The following PRR5L variants were observed in gnomAD, a reference collection of about 807,000 sequenced individuals.
PRR5L encodes the protein proline rich 5 like.
Under a neutral mutation model 36.4 loss-of-function variants are expected in PRR5L, and 21 were observed. The ratio of observed to expected loss-of-function variants is 0.58; its 90% CI spans 0.41 to 0.83. PRR5L has a LOEUF of 0.83. Ranked by LOEUF, PRR5L falls within the 40% of genes least tolerant of loss-of-function variation. PRR5L has a pLI of 0.00. For synonymous variants in PRR5L, 188 were observed against 197.0 expected, an observed-to-expected ratio of 0.95 and a Z score of 0.38; for missense variants, 381 against 473.3, an observed-to-expected ratio of 0.80 and a Z score of 1.81.
In PRR5L at chr11:36,451,307, T is replaced by C. The variant is rs1001614561; in HGVS notation, c.684T>C (p.Arg228=). 2 of 1,614,072 alleles carry C rather than the reference T, an allele frequency of 1.2e-6. No individual in the cohort carries two copies. Among genetic ancestry groups the C allele is most frequent in the Admixed American group, 1.7e-5 (1 of 60,000 alleles). The stretch of plus-strand genomic sequence containing the variant: ...CTTTCCTCGGCATCAGCGGGGACCG[T>C]AGCTTCTCAGGCCCCACGTACACGC... ...VSPFLGISGD[R]SFSGPTYTLA... is the part of the protein sequence containing the mutation. The change falls in exon 8 of 9, where the codon CGT becomes CGC. Residue 228 remains arginine (R), a synonymous_variant. Coordinates refer to ENST00000530639, the MANE Select transcript of PRR5L (RefSeq NM_001160167.2).
rs1447371107 is a variant in PRR5L at position 36,321,621 on chromosome 11, TG to T, written c.-126+25185del. The T allele has an allele frequency of 5.3e-5, 8 of 152,380 alleles. No individual in the cohort carries two copies. The East Asian group carries it at 1.5e-3, about 29-fold the overall frequency. The allele number at this position is 152,380 out of a possible 1,614,324, so 9.4% of individuals were successfully genotyped here. ...AGCATGCCCTGAAAGAAACAAAGAT[TG>T]GCAAAGGTTAGGCATCAGCGTGGGT... On this transcript the variant is annotated intron_variant, in intron 1 of 8. Transcript: ENST00000530639.
At chr11:36,310,995 C>CAA (rs59947428) in intron 1 of PRR5L, among the ~76,000 whole-genome samples, 15,471 of 87,570 alleles carry the variant, frequency 0.18, 1,627 homozygotes, top group East Asian at 0.29. Flanking sequence ...ACTCCGTCTC[C>CAA]AAAAAAAAAA....
intron 1 of PRR5L, among the ~76,000 whole-genome samples, chr11:36,337,274 A>T (rs1260090762): frequency 6.6e-6 from 1 of 152,168 alleles, no homozygotes; most frequent in African/African-American, 2.4e-5. Flanking sequence ...GAATGGGATT[A>T]GTGCTCCTAC....
intron 1 of PRR5L, among the ~76,000 whole-genome samples, chr11:36,357,675 A>G (rs537691958): frequency 6.6e-6 from 1 of 152,316 alleles, no homozygotes; most frequent in East Asian, 1.9e-4. Context: ...GTTTTACAGA[A>G]CATTTTAAGC....
chr11:36,388,693 TCTTTC>T (rs1241815055), intron 1 of PRR5L, among the ~76,000 whole-genome samples: 20 of 110,058 alleles, frequency 1.8e-4, no homozygotes, highest in African/African-American at 4.8e-4. Flanking sequence ...GTCGGCTCTT[TCTTTC>T]TTTTTTTTTT....
chr11:36,371,965 G>A (rs1389006021), intron 1 of PRR5L, among the ~76,000 whole-genome samples: 1 of 152,150 alleles, frequency 6.6e-6, no homozygotes, highest in Non-Finnish European at 1.5e-5. Flanking sequence ...GGCTGAGGCA[G>A]GACAGTCACT....
Position 36,399,820 on chromosome 11 carries a change from G to T in PRR5L, c.-125-1177G>T, listed in dbSNP as rs75101700. ...AAGAGACTGAAATTACAGGTCCAAA[G>T]GTGTAAAGGAAAGAAAGAAATTCAT... On this transcript the variant is annotated intron_variant, in intron 1 of 8. Transcript: ENST00000530639. 4.6e-5 allele frequency among the ~76,000 whole-genome samples: 7 copies of T among 152,342 alleles called. No individual in the cohort carries two copies. The East Asian group carries it at 1.4e-3, about 29-fold the overall frequency.
rs147648529 is a variant in PRR5L, at chr11:36,464,380, T to C, written c.*1644T>C. 14 of 152,346 alleles carry C rather than the reference T, an allele frequency of 9.2e-5. No individual in the cohort carries two copies. The highest frequency in any genetic ancestry group is 2.4e-4 in the African/African-American group (10 of 41,574). The allele number at this position is 152,346 out of a possible 1,614,324, so 9.4% of individuals were successfully genotyped here. ...ATGGCATTTCCCTTCTGAGTGAAGATTTGAAATATGATTGATTAGAATTGT... is the reference window on the plus strand; with the variant it reads ...ATGGCATTTCCCTTCTGAGTGAAGACTTGAAATATGATTGATTAGAATTGT... On this transcript the variant is annotated 3_prime_UTR_variant, in exon 9 of 9. Coordinates refer to ENST00000530639, the MANE Select transcript of PRR5L (RefSeq NM_001160167.2).
At chr11:36,309,650 T>TGATGGTGGTGGTGGTAGTGGG (rs1565377565) in intron 1 of PRR5L, among the ~76,000 whole-genome samples, 2 of 148,964 alleles carry the variant, frequency 1.3e-5, no homozygotes, top group African/African-American at 2.5e-5. Context: ...GTAGTGGGGA[T>TGATGGTGGTGGTGGTAGTGGG]GATGATGGTG....
chr11:36,376,355 GA>G, intron 1 of PRR5L: 1 of 1,136,288 alleles, frequency 8.8e-7, no homozygotes, highest in Non-Finnish European at 1.1e-6. Context: ...AGAGGAGGAG[GA>G]GGAGGAGGAG....
At chr11:36,413,474 G>A (rs1396527474) in intron 3 of PRR5L, among the ~76,000 whole-genome samples, 5 of 152,236 alleles carry the variant, frequency 3.3e-5, no homozygotes, top group African/African-American at 1.2e-4. Flanking sequence ...TTCTGAATAG[G>A]ATTGTTTTGA....
intron 1 of PRR5L, among the ~76,000 whole-genome samples, chr11:36,375,115 A>G (rs1857240304): frequency 6.6e-6 from 1 of 152,034 alleles, no homozygotes; most frequent in Non-Finnish European, 1.5e-5. Context: ...CATGCCTGTA[A>G]TCCCAGCTAC....
At chr11:36,332,395 G>A (rs1240332109) in intron 1 of PRR5L, among the ~76,000 whole-genome samples, 1 of 152,192 alleles carries the variant, frequency 6.6e-6, no homozygotes, top group African/African-American at 2.4e-5. Context: ...TGGGGACAAA[G>A]AGAGCGGTAG....
intron 4 of PRR5L, among the ~76,000 whole-genome samples, chr11:36,427,718 A>G (rs1009916712): frequency 3.3e-5 from 5 of 152,188 alleles, no homozygotes; most frequent in African/African-American, 9.7e-5. Context: ...GGTGAGCTTC[A>G]TAATTTGCAG....
chr11:36,386,269 G>C (rs1014602637), intron 1 of PRR5L, among the ~76,000 whole-genome samples: 40 of 152,096 alleles, frequency 2.6e-4, no homozygotes, highest in African/African-American at 9.2e-4. Context: ...CTGGGTGACA[G>C]AGCGAGACCT....
chr11:36,331,395 A>C (rs548145878), intron 1 of PRR5L, among the ~76,000 whole-genome samples: 1 of 152,346 alleles, frequency 6.6e-6, no homozygotes, highest in East Asian at 1.9e-4. Context: ...AATGTCAAAA[A>C]GTTTGAACAC....
At chr11:36,397,605 C>T (rs1029587816) in intron 1 of PRR5L, among the ~76,000 whole-genome samples, 3 of 151,496 alleles carry the variant, frequency 2.0e-5, no homozygotes, top group Admixed American at 2.0e-4. Flanking sequence ...TACAGGCACG[C>T]ACCACCATGC....
chr11:36,383,407 C>T (rs879854144), intron 1 of PRR5L, among the ~76,000 whole-genome samples: 7 of 152,170 alleles, frequency 4.6e-5, no homozygotes, highest in Admixed American at 1.3e-4. Flanking sequence ...ACTGGCAGCC[C>T]GTGGGCCAAA....
At chr11:36,443,740 G>A (rs943563519) in intron 6 of PRR5L, among the ~76,000 whole-genome samples, 6 of 152,148 alleles carry the variant, frequency 3.9e-5, no homozygotes, top group African/African-American at 1.4e-4. Flanking sequence ...TTTTTCCCAC[G>A]TCATGGGCTG....
Sources: allele counts gnomAD v4.1 joint callset (sites outside exome capture counted in the v4.1 genomes callset), GRCh38; gene constraint gnomAD v4.1.1; transcripts MANE v1.5; gene names NCBI Gene and HGNC (gene_info 2026-07-23, HGNC 2026-07-21).